The following ARHGAP29 variants were observed in gnomAD, a reference collection of about 807,000 sequenced individuals.
The protein encoded by ARHGAP29 is rho GTPase-activating protein 29.
ARHGAP29 carries 43 observed loss-of-function variants against 122.6 expected under a neutral mutation model. The ratio of observed to expected loss-of-function variants is 0.35; its 90% confidence interval spans 0.27 to 0.45. The LOEUF (loss-of-function observed/expected upper bound fraction) is 0.45, where lower values mean the gene tolerates loss of function less well. Among genes scored for constraint, ARHGAP29 ranks in the 20% least tolerant of loss-of-function variants. ARHGAP29 has a pLI of 1.00. For missense variants in ARHGAP29, 1,303 were observed against 1,477.2 expected (o/e 0.88, Z 1.93); for synonymous variants, 506 against 497.1 (o/e 1.02, Z -0.24).
At chr1:94,252,239 T>A in intron 1 of ARHGAP29, among the ~76,000 whole-genome samples, 1 of 152,218 alleles carries the variant, frequency 6.6e-6, no homozygotes, top group East Asian at 1.9e-4. Context: ...GAGCCATAAG[T>A]AACTCAAGAA....
intron 3 of ARHGAP29, among the ~76,000 whole-genome samples, chr1:94,215,203 A>G (rs919391662): frequency 1.3e-5 from 2 of 151,732 alleles, no homozygotes; most frequent in Non-Finnish European, 2.9e-5. Flanking sequence ...TCTGAGGAAC[A>G]TAAAAGACAA....
At chr1:94,252,717 GA>G (rs142364377) in intron 1 of ARHGAP29, among the ~76,000 whole-genome samples, 38 of 147,876 alleles carry the variant, frequency 2.6e-4, no homozygotes, top group South Asian at 8.6e-4. Flanking sequence ...GTTCTCTAAT[GA>G]AAAAAAAAAA....
At chr1:94,196,452 G>A (rs991956489) in intron 12 of ARHGAP29, among the ~76,000 whole-genome samples, 5 of 150,902 alleles carry the variant, frequency 3.3e-5, no homozygotes, top group Non-Finnish European at 7.4e-5. Context: ...TAGTAGAGAC[G>A]GGGTTTCACC....
At position 94,219,401 on chromosome 1, in the gene ARHGAP29, C is replaced by T. The variant is rs546181008; in HGVS notation, c.340+857G>A. Among the ~76,000 whole-genome samples, 6 of 152,262 alleles carry T rather than the reference C, an allele frequency of 3.9e-5. No homozygotes were observed. In the East Asian group the frequency reaches 1.2e-3, roughly 29 times the overall value. ...CAGCTGATGTCATCCTTTTCCATTA[C>T]CTATACATCAACAATTCCCAAGTCC... is the stretch of plus-strand genomic sequence containing the variant. On this transcript the variant is annotated intron_variant, in intron 3 of 22. Coordinates refer to ENST00000260526, the MANE Select transcript of ARHGAP29 (RefSeq NM_004815.4).
intron 1 of ARHGAP29, among the ~76,000 whole-genome samples, chr1:94,246,463 G>T (rs1169652890): frequency 6.6e-6 from 1 of 152,148 alleles, no homozygotes; most frequent in Non-Finnish European, 1.5e-5. Flanking sequence ...GAACAAAAAG[G>T]TACTTAGAAC....
the ARHGAP29 span, among the ~76,000 whole-genome samples, chr1:94,299,689 G>A: frequency 6.6e-6 from 1 of 152,126 alleles, no homozygotes; most frequent in Admixed American, 6.6e-5. Flanking sequence ...CACTGTGGGA[G>A]CCTGGAGCTC....
chr1:94,297,516 C>T, the ARHGAP29 span, among the ~76,000 whole-genome samples: 1 of 152,178 alleles, frequency 6.6e-6, no homozygotes, highest in African/African-American at 2.4e-5. Flanking sequence ...TAGGCAGTCA[C>T]TTATTGCTGT....
In ARHGAP29 at chr1:94,175,239, T is replaced by C. The variant is rs138769568; in HGVS notation, c.2906-490A>G. Among the ~76,000 whole-genome samples, 295 of 152,316 alleles carry C rather than the reference T, an allele frequency of 1.9e-3. 3 individuals are homozygous for C. The highest frequency in any genetic ancestry group is 6.8e-3 in the African/African-American group (284 of 41,572). On this transcript the variant is annotated intron_variant, in intron 22 of 22. Coordinates refer to ENST00000260526, the MANE Select transcript of ARHGAP29 (RefSeq NM_004815.4). ...TATTAGATGCCTTAGATGCTCTCCA[T>C]ATCTGATCAACTAATAAAGCATAAA... is the stretch of plus-strand genomic sequence containing the variant.
At chr1:94,279,062 A>G (rs1019870389), upstream of ARHGAP29, among the ~76,000 whole-genome samples, 5 of 152,226 alleles carry the variant, frequency 3.3e-5, no homozygotes, top group Admixed American at 6.5e-5. Flanking sequence ...AATCTGGCTA[A>G]CATTCATCTA....
the ARHGAP29 span, chr1:94,302,746 T>A: frequency 2.7e-6 from 1 of 369,308 alleles, no homozygotes. Context: ...GTGTCAGTCA[T>A]GGACCTGACC....
chr1:94,283,710 T>C, the ARHGAP29 span, among the ~76,000 whole-genome samples: 1 of 152,206 alleles, frequency 6.6e-6, no homozygotes, highest in Non-Finnish European at 1.5e-5. Flanking sequence ...CATACCATCA[T>C]GCTCTTTGCT....
At chr1:94,205,488 C>G in intron 6 of ARHGAP29, 147 bp downstream of exon 6, 2 of 756,366 alleles carry the variant, frequency 2.6e-6, no homozygotes, top group East Asian at 5.3e-5. Context: ...GGTTATTTCC[C>G]TTAAGCTCTA....
rs936996213 is a variant in ARHGAP29, at chr1:94,172,445, T to C, written c.*1424A>G. 3 of 152,148 alleles carry C rather than the reference T, an allele frequency of 2.0e-5. No homozygotes were observed. In the South Asian group the frequency reaches 6.2e-4, roughly 32 times the overall value. The allele number at this position is 152,148 out of a possible 1,614,324, so 9.4% of individuals were successfully genotyped here. Reference sequence around the variant, plus strand: ...TTGCTCCCTAGACCTTTACATCACATAGAACTATAAAACAGGTTTCCATAA... The same window carrying C: ...TTGCTCCCTAGACCTTTACATCACACAGAACTATAAAACAGGTTTCCATAA... On this transcript the variant is annotated 3_prime_UTR_variant, in exon 23 of 23. Transcript: ENST00000260526.
At chr1:94,241,436 T>TG (rs1315709285), upstream of ARHGAP29, among the ~76,000 whole-genome samples, 5 of 151,688 alleles carry the variant, frequency 3.3e-5, no homozygotes, top group Non-Finnish European at 7.4e-5. Flanking sequence ...GCTAATATGG[T>TG]GAAACCCCAT....
At position 94,171,193 on chromosome 1, in the gene ARHGAP29, C is replaced by T. The variant is rs972211003; in HGVS notation, c.*2676G>A. ...TAGCCATAGTACCATCTTTAAATCA[C>T]CCAAATAACTGAGGTACAATTCTAT... On this transcript the variant is annotated 3_prime_UTR_variant, in exon 23 of 23. Transcript: ENST00000260526. Among the ~76,000 whole-genome samples, 2 of 152,242 alleles carry T rather than the reference C, an allele frequency of 1.3e-5. No individual in the cohort carries two copies. The highest frequency in any genetic ancestry group is 1.9e-4 in the East Asian group (1 of 5,186).
At chr1:94,309,407 T>G in the ARHGAP29 span, among the ~76,000 whole-genome samples, 1 of 152,194 alleles carries the variant, frequency 6.6e-6, no homozygotes, top group Non-Finnish European at 1.5e-5. Flanking sequence ...TGCAGAGTGC[T>G]TTGATGTCAG....
chr1:94,186,494 A>G lies in ARHGAP29; in HGVS notation c.1780+5T>C, dbSNP rs1364777674. ...AGTGGGACTTAATTCAGGTAAATACAATACCAGTTTCTGAAGGGGAAGGTG... is the reference window on the plus strand; with the variant it reads ...AGTGGGACTTAATTCAGGTAAATACGATACCAGTTTCTGAAGGGGAAGGTG... On this transcript the variant is annotated splice_donor_5th_base_variant and intron_variant, in intron 16 of 22. Transcript: ENST00000260526. The G allele has an allele frequency of 6.2e-7, 1 of 1,606,212 alleles. No homozygotes were observed. The highest frequency in any genetic ancestry group is 8.5e-7 in the Non-Finnish European group (1 of 1,173,168).
chr1:94,298,697 A>G, the ARHGAP29 span, among the ~76,000 whole-genome samples: 1 of 152,230 alleles, frequency 6.6e-6, no homozygotes, highest in Non-Finnish European at 1.5e-5. Context: ...TTAAGGACCT[A>G]TAATGCTATT....
chr1:94,233,770 G>A (rs1011104791), intron 1 of ARHGAP29, among the ~76,000 whole-genome samples: 2 of 152,128 alleles, frequency 1.3e-5, no homozygotes, highest in Non-Finnish European at 2.9e-5. Flanking sequence ...TATTATGTTT[G>A]TGTGTGGCAT....
Sources: gnomAD v4.1 joint callset for allele counts (sites outside exome capture counted in the v4.1 genomes callset) on GRCh38, gnomAD v4.1.1 for gene constraint, MANE v1.5 for transcripts, NCBI Gene and HGNC (gene_info 2026-07-23, HGNC 2026-07-21) for gene names.